RASGEF1C: variants seen among roughly 807,000 people sequenced by gnomAD.
RASGEF1C encodes RasGEF domain family member 1C, also known as ras-GEF domain-containing family member 1C.
A neutral mutation model predicts 58.1 loss-of-function variants in RASGEF1C; 27 were observed. The ratio of observed to expected loss-of-function variants is 0.46; its 90% CI spans 0.34 to 0.64. The LOEUF (loss-of-function observed/expected upper bound fraction) is 0.64. Ranked by LOEUF, RASGEF1C falls within the 30% of genes least tolerant of loss-of-function variation. The pLI, the probability that RASGEF1C is intolerant of heterozygous loss-of-function variation, is 0.01. For missense variants in RASGEF1C, 502 were observed against 605.1 expected (o/e 0.83, Z 1.79); for synonymous variants, 243 against 246.3 (o/e 0.99, Z 0.13).
rs1385053238 is a variant in RASGEF1C, at chr5:180,137,237, G to A, written c.300+353C>T. Among the ~76,000 whole-genome samples the A allele has an allele frequency of 2.6e-5, 4 of 152,164 alleles. No homozygotes were observed. The highest frequency in any genetic ancestry group is 6.5e-5 in the Admixed American group (1 of 15,288). ...GACGCGTGTGCAATAGAGGCAGCCCGCAGGACCCGGCCAGGACTGGGAAGG... is the reference window on the plus strand; with the variant it reads ...GACGCGTGTGCAATAGAGGCAGCCCACAGGACCCGGCCAGGACTGGGAAGG... On this transcript the variant is annotated intron_variant, in intron 3 of 13. Coordinates refer to ENST00000361132, the MANE Select transcript of RASGEF1C (RefSeq NM_175062.4). The surrounding 1 kb of genome is among the most constrained non-coding windows in gnomAD (Gnocchi z 4.1).
chr5:180,174,770 G>A (rs575326101), intron 1 of RASGEF1C, among the ~76,000 whole-genome samples: 32 of 152,264 alleles, frequency 2.1e-4, no homozygotes, highest in Non-Finnish European at 4.4e-4. Context: ...TCGCACACAC[G>A]ATCGTGACCG....
At chr5:180,121,409 G>C (rs1394013726) in intron 6 of RASGEF1C, among the ~76,000 whole-genome samples, 1 of 151,926 alleles carries the variant, frequency 6.6e-6, no homozygotes, top group Non-Finnish European at 1.5e-5. Context: ...CGCCTCCCGG[G>C]TTCACGCCAC....
rs1483779849 is a variant in RASGEF1C at position 180,156,426 on chromosome 5, C to A, written c.-6-18368G>T. 6.6e-6 allele frequency among the ~76,000 whole-genome samples: 1 copy of A among 152,082 alleles called. No homozygotes were observed. Among genetic ancestry groups the A allele is most frequent in the African/African-American group, 2.4e-5 (1 of 41,412 alleles). ...TCAGCACAGTTGGTGCCTGGCAGGG[C>A]CGAGGTGGGAACCAAGCGCTGGACC... On this transcript the variant is annotated intron_variant, in intron 1 of 13. Transcript: ENST00000361132. The surrounding 1 kb of genome is among the most constrained non-coding windows in gnomAD (Gnocchi z 4.9).
Position 180,181,810 on chromosome 5 carries a change from C to CAT in RASGEF1C, c.-7+27216_-7+27217dup, listed in dbSNP as rs1169436266. 3.9e-5 allele frequency among the ~76,000 whole-genome samples: 6 copies of CAT among 152,320 alleles called. No individual in the cohort carries two copies. The South Asian group carries it at 1.2e-3, about 32-fold the overall frequency. On this transcript the variant is annotated intron_variant, in intron 1 of 13. Coordinates refer to ENST00000361132, the MANE Select transcript of RASGEF1C (RefSeq NM_175062.4). The stretch of plus-strand genomic sequence containing the variant: ...GATACAAACACAAGGCTGAGTGGAG[C>CAT]ATGAACGCCACTGGCAGGATGTCTT...
chr5:180,147,180 T>A (rs1265344367), intron 1 of RASGEF1C, among the ~76,000 whole-genome samples: 2 of 152,084 alleles, frequency 1.3e-5, no homozygotes, highest in African/African-American at 2.4e-5. Flanking sequence ...TTTTAATAAC[T>A]TCAGTCATCT....
intron 11 of RASGEF1C, among the ~76,000 whole-genome samples, chr5:180,112,935 CGGAGGGACCGGGGA>C (rs1765984462): frequency 1.7e-5 from 2 of 120,532 alleles, no homozygotes; most frequent in East Asian, 2.9e-4. Flanking sequence ...CCGGGATGGA[CGGAGGGACCGGGGA>C]TGGACGGAGG....
chr5:180,115,749 G>C (rs1305522349), intron 10 of RASGEF1C, among the ~76,000 whole-genome samples: 1 of 152,200 alleles, frequency 6.6e-6, no homozygotes, highest in African/African-American at 2.4e-5. Flanking sequence ...GGCCCAGAGA[G>C]GTTAAATACC....
intron 12 of RASGEF1C, among the ~76,000 whole-genome samples, chr5:180,107,789 A>T (rs1023619280): frequency 1.3e-5 from 2 of 152,066 alleles, no homozygotes; most frequent in African/African-American, 2.4e-5. Flanking sequence ...TTGTATTTGT[A>T]GTAGAGACGA....
rs116745171 is a variant in RASGEF1C at position 180,169,982 on chromosome 5, C to T, written c.-6-31924G>A. 4.5e-3 allele frequency among the ~76,000 whole-genome samples: 682 copies of T among 152,310 alleles called. 8 individuals are homozygous for T. The highest frequency in any genetic ancestry group is 0.016 in the African/African-American group (645 of 41,570). On this transcript the variant is annotated intron_variant, in intron 1 of 13. Transcript: ENST00000361132. The stretch of plus-strand genomic sequence containing the variant: ...GACCTTCCGTGACCACTGCTCCACA[C>T]GGCACTGGCTGCCCAGCCGCTCTCC...
intron 11 of RASGEF1C, among the ~76,000 whole-genome samples, chr5:180,113,059 C>CG (rs1765989983): frequency 3.3e-5 from 1 of 30,086 alleles, no homozygotes; most frequent in Admixed American, 3.3e-4. Context: ...CGGAGGGATC[C>CG]GGGCTGGACG....
chr5:180,195,906 A>G (rs1166409843), intron 1 of RASGEF1C, among the ~76,000 whole-genome samples: 3 of 152,048 alleles, frequency 2.0e-5, no homozygotes, highest in Admixed American at 2.0e-4. Flanking sequence ...CACTATCTGG[A>G]ATATTATTAA....
At chr5:180,102,340 G>C (rs908127682) in intron 12 of RASGEF1C, among the ~76,000 whole-genome samples, 197 bp from the exon 13 acceptor site, 2 of 151,968 alleles carry the variant, frequency 1.3e-5, no homozygotes, top group African/African-American at 4.8e-5. Flanking sequence ...TTGCTTTTGT[G>C]TGAAACTCAC....
At position 180,101,086 on chromosome 5, in the gene RASGEF1C, G is replaced by C; in HGVS notation, c.*415C>G. 5.3e-6 allele frequency: 1 copy of C among 189,280 alleles called. No individual in the cohort carries two copies. Among genetic ancestry groups the C allele is most frequent in the Non-Finnish European group, 1.1e-5 (1 of 91,896 alleles). The allele number at this position is 189,280 out of a possible 1,614,324, so 11.7% of individuals were successfully genotyped here. On this transcript the variant is annotated 3_prime_UTR_variant, in exon 14 of 14. Coordinates refer to ENST00000361132, the MANE Select transcript of RASGEF1C (RefSeq NM_175062.4). ...CACGTCGCACCGTGATGCCTGCTGTGGCTCCAGAAGTTCCCAAGCCACGTG... is the reference window on the plus strand; with the variant it reads ...CACGTCGCACCGTGATGCCTGCTGTCGCTCCAGAAGTTCCCAAGCCACGTG...
At chr5:180,201,931 G>A (rs1414613619) in intron 1 of RASGEF1C, among the ~76,000 whole-genome samples, 7 of 152,152 alleles carry the variant, frequency 4.6e-5, no homozygotes, top group Non-Finnish European at 8.8e-5. Flanking sequence ...GTGAGAAATC[G>A]TTCTGTTGTT....
chr5:180,156,126 C>A lies in RASGEF1C; in HGVS notation c.-6-18068G>T, dbSNP rs1766844379. ...CATCCCCCTAACCTCTAGACAAGAC[C>A]ATGCTGACTTTTGTGCTAATTGTTC... On this transcript the variant is annotated intron_variant, in intron 1 of 13. Transcript: ENST00000361132. This position sits in a 1 kb window ranked among gnomAD's most constrained non-coding sequence, Gnocchi z 4.9. Among the ~76,000 whole-genome samples, 1 of 152,220 alleles carries A rather than the reference C, an allele frequency of 6.6e-6. No homozygotes were observed. The highest frequency in any genetic ancestry group is 1.5e-5 in the Non-Finnish European group (1 of 68,038).
At chr5:180,188,478 C>T (rs6601095) in intron 1 of RASGEF1C, among the ~76,000 whole-genome samples, 72,853 of 151,978 alleles carry the variant, frequency 0.48, 18,425 homozygotes, top group African/African-American at 0.64. Flanking sequence ...CTCATAGATG[C>T]GAGAAAGCAT....
At chr5:180,189,923 C>CAAAAAAA (rs71001085) in intron 1 of RASGEF1C, among the ~76,000 whole-genome samples, 24 of 37,176 alleles carry the variant, frequency 6.5e-4, no homozygotes, top group African/African-American at 7.1e-4. Context: ...AACTCCATCT[C>CAAAAAAA]AAAAAAAAAA....
chr5:180,194,526 C>T (rs1000635423), intron 1 of RASGEF1C, among the ~76,000 whole-genome samples: 2 of 152,190 alleles, frequency 1.3e-5, no homozygotes, highest in African/African-American at 4.8e-5. Flanking sequence ...ACACTCTCGC[C>T]TCACCCTTTT....
intron 7 of RASGEF1C, among the ~76,000 whole-genome samples, chr5:180,120,388 C>A (rs1330991464): frequency 6.6e-6 from 1 of 152,182 alleles, no homozygotes; most frequent in African/African-American, 2.4e-5. Flanking sequence ...GGTGTGGACC[C>A]CTCATGAACA....
Sources: gnomAD v4.1 joint callset for allele counts (sites outside exome capture counted in the v4.1 genomes callset) on GRCh38, gnomAD v4.1.1 for gene constraint, Gnocchi (gnomAD v3.1) non-coding constraint, MANE v1.5 for transcripts, NCBI Gene and HGNC (gene_info 2026-07-23, HGNC 2026-07-21) for gene names.